The following CCDC88C variants were observed in gnomAD, a reference collection of about 807,000 sequenced individuals.
CCDC88C encodes protein Daple.
A neutral mutation model predicts 198.8 loss-of-function variants in CCDC88C; 131 were observed. The ratio of observed to expected loss-of-function variants is 0.66; its 90% CI spans 0.57 to 0.76. The LOEUF is 0.76. Among genes scored for constraint, CCDC88C ranks in the 30% least tolerant of loss-of-function variants. CCDC88C has a pLI of 0.00. For synonymous variants in CCDC88C, 1,166 were observed against 1,114.7 expected, an observed-to-expected ratio of 1.05 and a Z score of -0.92; for missense variants, 2,553 against 2,631.6, an observed-to-expected ratio of 0.97 and a Z score of 0.65.
In CCDC88C at chr14:91,416,812, G is replaced by C. The variant is rs1292600586; in HGVS notation, c.87C>G (p.Ser29Arg). Residue 29 changes from serine to arginine, a missense_variant, in exon 2 of 30, where the codon AGC (serine) becomes AGG (arginine). Around this residue, in one of 2 missense-constraint regions of CCDC88C, gnomAD observed 1,260 missense variants for 1,412.0 expected, o/e 0.89. Transcript: ENST00000389857. ...TWVKTFGPFG[S>R]GSQDNLTMYM... is the part of the protein sequence containing the mutation. ...ACATAGTCAGGTTGTCCTGGCTGCC[G>C]CTTCCAAACGGGCCAAAAGTTTTCA... 9.9e-6 allele frequency: 16 copies of C among 1,613,242 alleles called. No homozygotes were observed. The highest frequency in any genetic ancestry group is 1.3e-5 in the Non-Finnish European group (15 of 1,179,616).
chr14:91,285,568 G>A (rs187549686), intron 25 of CCDC88C: 5 of 1,096,942 alleles, frequency 4.6e-6, no homozygotes, highest in East Asian at 6.0e-5. Context: ...GGAGGGGTCC[G>A]CTATCGGCCA....
Position 91,272,081 on chromosome 14 carries a change from C to T in CCDC88C, c.*544G>A, listed in dbSNP as rs45597931. Reference sequence around the variant, plus strand: ...AGTGCTTGGGACCCCAGGAATGGAACAGCAGCACTCTCACTTTTTAACAGC... The same window carrying T: ...AGTGCTTGGGACCCCAGGAATGGAATAGCAGCACTCTCACTTTTTAACAGC... On this transcript the variant is annotated 3_prime_UTR_variant, in exon 30 of 30. Transcript: ENST00000389857. The T allele has an allele frequency of 0.021, 3,297 of 153,552 alleles. 56 individuals carry two copies. The highest frequency in any genetic ancestry group is 0.074 in the South Asian group (362 of 4,884). The allele number at this position is 153,552 out of a possible 1,614,324, so 9.5% of individuals were successfully genotyped here. A position where few individuals can be genotyped will look rare whatever the true frequency, so the allele number is the denominator to read the frequency against.
intron 10 of CCDC88C, 99 bp from the exon 11 acceptor site, chr14:91,326,155 A>C: frequency 9.0e-7 from 1 of 1,108,666 alleles, no homozygotes; most frequent in Non-Finnish European, 1.3e-6. Flanking sequence ...TCTGGACCCA[A>C]GCAAACAATC....
chr14:91,288,794 C>T lies in CCDC88C; in HGVS notation c.4441+311G>A, dbSNP rs1414931178. 8 of 240,304 alleles carry T rather than the reference C, an allele frequency of 3.3e-5. No homozygotes were observed. Among genetic ancestry groups the T allele is most frequent in the Non-Finnish European group, 4.9e-5 (6 of 123,704 alleles). 14.9% of individuals were successfully genotyped at this position (240,304 alleles called of 1,614,324 possible). ...TGGTGGGCGCCTATAATCCCAGCTA[C>T]GTAGGAGGCTGAGGCAGGAGAATCA... On this transcript the variant is annotated intron_variant, in intron 25 of 29. Transcript: ENST00000389857. This position sits in a 1 kb window ranked among gnomAD's most constrained non-coding sequence, Gnocchi z 4.2.
At chr14:91,353,772 T>C (rs117541494) in intron 4 of CCDC88C, among the ~76,000 whole-genome samples, 207 of 152,224 alleles carry the variant, frequency 1.4e-3, no homozygotes, top group African/African-American at 4.6e-3. Context: ...AGAGAAAACA[T>C]AGGACAGAGG....
At chr14:91,416,474 T>C (rs1453185873) in intron 2 of CCDC88C, among the ~76,000 whole-genome samples, 3 of 151,732 alleles carry the variant, frequency 2.0e-5, no homozygotes, top group Admixed American at 6.6e-5. Context: ...CTGAAGTCAA[T>C]TGCACTATCT....
chr14:91,300,196 G>A (rs1220937893), intron 20 of CCDC88C, 126 bp from the exon 21 acceptor site: 25 of 1,356,664 alleles, frequency 1.8e-5, no homozygotes, highest in Non-Finnish European at 2.4e-5. Flanking sequence ...TCTCTCTGCA[G>A]AAGTGAGGGG....
intron 24 of CCDC88C, among the ~76,000 whole-genome samples, chr14:91,289,957 G>A (rs954353124): frequency 2.0e-5 from 3 of 152,136 alleles, no homozygotes; most frequent in Non-Finnish European, 4.4e-5. Flanking sequence ...TTCAATTTCT[G>A]TGTCAAACAG....
At chr14:91,345,188 ATATT>A (rs1472274955) in intron 4 of CCDC88C, among the ~76,000 whole-genome samples, 19 of 64,074 alleles carry the variant, frequency 3.0e-4, no homozygotes, top group Admixed American at 5.5e-4. Flanking sequence ...ATATATATAT[ATATT>A]TTTTTTTTTT....
intron 28 of CCDC88C, among the ~76,000 whole-genome samples, 178 bp from the exon 29 acceptor site, chr14:91,278,389 T>C (rs1567046112): frequency 6.6e-6 from 1 of 152,248 alleles, no homozygotes; most frequent in Non-Finnish European, 1.5e-5. Flanking sequence ...AATTTCACTT[T>C]GGCTTTAAAA....
chr14:91,376,605 C>T (rs574410071), intron 3 of CCDC88C, among the ~76,000 whole-genome samples: 3 of 152,322 alleles, frequency 2.0e-5, no homozygotes, highest in East Asian at 3.9e-4. Flanking sequence ...GAAGGAATGC[C>T]GGGAAGCCTG....
chr14:91,358,509 C>A (rs1193539764), intron 4 of CCDC88C, among the ~76,000 whole-genome samples: 1 of 152,166 alleles, frequency 6.6e-6, no homozygotes, highest in East Asian at 1.9e-4. Flanking sequence ...CTGGGGCCTG[C>A]GACTTCTGTC....
Position 91,278,155 on chromosome 14 carries a change from G to T in CCDC88C, c.4825C>A (p.Pro1609Thr), listed in dbSNP as rs1208116927. ...SESFSSEDLIPSRDLATLPRE... is the reference protein window; with the variant it reads ...SESFSSEDLITSRDLATLPRE... ...GGCAAAGTGGCCAGGTCCCTGCTGGGGATCAGGTCTTCGCTGCTGAAGCTC... is the reference window on the plus strand; with the variant it reads ...GGCAAAGTGGCCAGGTCCCTGCTGGTGATCAGGTCTTCGCTGCTGAAGCTC... The change falls in exon 29 of 30, where the codon CCC becomes ACC. Residue 1609 changes from proline to threonine, a missense_variant. Pro to Thr is a conservative substitution (Grantham distance 38, BLOSUM62 -1). Coordinates refer to ENST00000389857, the MANE Select transcript of CCDC88C (RefSeq NM_001080414.4). 2 of 1,612,936 alleles carry T rather than the reference G, an allele frequency of 1.2e-6. No homozygotes were observed. The highest frequency in any genetic ancestry group is 1.7e-6 in the Non-Finnish European group (2 of 1,179,680).
intron 15 of CCDC88C, among the ~76,000 whole-genome samples, chr14:91,310,430 A>G (rs1891769209): frequency 6.6e-6 from 1 of 152,100 alleles, no homozygotes; most frequent in African/African-American, 2.4e-5. Flanking sequence ...TTCATTTTTT[A>G]GAGACAGCGT....
intron 4 of CCDC88C, among the ~76,000 whole-genome samples, chr14:91,347,798 T>C (rs975995659): frequency 1.3e-5 from 2 of 151,902 alleles, no homozygotes; most frequent in African/African-American, 4.8e-5. Flanking sequence ...GATCTAGAAC[T>C]AGAAATACCA....
intron 13 of CCDC88C, among the ~76,000 whole-genome samples, chr14:91,317,652 GGA>G (rs1313218481): frequency 2.6e-5 from 4 of 152,218 alleles, no homozygotes; most frequent in Admixed American, 6.5e-5. Flanking sequence ...ACGAGAGGGA[GGA>G]GAGAGCTCCA....
chr14:91,316,595 G>A (rs1306076701), intron 13 of CCDC88C, among the ~76,000 whole-genome samples: 1 of 152,054 alleles, frequency 6.6e-6, no homozygotes, highest in Non-Finnish European at 1.5e-5. Flanking sequence ...TCTAATTTTT[G>A]TATTTTTAGT....
intron 22 of CCDC88C, among the ~76,000 whole-genome samples, chr14:91,294,797 A>C (rs533023872): frequency 6.6e-6 from 1 of 152,300 alleles, no homozygotes; most frequent in Non-Finnish European, 1.5e-5. Flanking sequence ...AGCTGGGATT[A>C]CAGGCGCGTG....
chr14:91,373,006 C>T (rs1894893790), intron 3 of CCDC88C, among the ~76,000 whole-genome samples: 1 of 152,192 alleles, frequency 6.6e-6, no homozygotes, highest in Admixed American at 6.5e-5. Context: ...CAACACAGGG[C>T]AGCTCTGCAG....
Sources: allele counts gnomAD v4.1 joint callset (sites outside exome capture counted in the v4.1 genomes callset), GRCh38; gene constraint gnomAD v4.1.1; regional missense constraint gnomAD v4.1.1; non-coding constraint Gnocchi (gnomAD v3.1); transcripts MANE v1.5; gene names NCBI Gene and HGNC (gene_info 2026-07-23, HGNC 2026-07-21).